The following KIAA1217 variants were observed in gnomAD, a reference collection of about 807,000 sequenced individuals.
The protein encoded by KIAA1217 is KIAA1217, also known as sickle tail protein homolog.
Under a neutral mutation model 163.9 loss-of-function variants are expected in KIAA1217, and 88 were observed. The ratio of observed to expected loss-of-function variants is 0.54; its 90% CI spans 0.45 to 0.64. The LOEUF (loss-of-function observed/expected upper bound fraction) is 0.64, where lower values mean the gene tolerates loss of function less well. KIAA1217 is among the 30% of genes least tolerant of loss of function. The pLI is 0.00. For synonymous variants in KIAA1217, 903 were observed against 923.1 expected (o/e 0.98, Z 0.39); for missense variants, 2,372 against 2,475.0 (o/e 0.96, Z 0.88).
chr10:24,429,929 G>A (rs1470962185), intron 3 of KIAA1217, among the ~76,000 whole-genome samples: 1 of 152,100 alleles, frequency 6.6e-6, no homozygotes, highest in Non-Finnish European at 1.5e-5. Flanking sequence ...GATCACTTGA[G>A]CTCAGGAGTT....
intron 1 of KIAA1217, among the ~76,000 whole-genome samples, chr10:23,878,091 GCT>G (rs1173510288): frequency 6.6e-6 from 1 of 151,862 alleles, no homozygotes; most frequent in African/African-American, 2.4e-5. Flanking sequence ...TGGCAGGGAG[GCT>G]CTAAAACAAG....
chr10:24,470,717 G>A (rs1427184849), intron 5 of KIAA1217, among the ~76,000 whole-genome samples: 2 of 152,142 alleles, frequency 1.3e-5, no homozygotes, highest in African/African-American at 4.8e-5. Context: ...GAGCCAAGAG[G>A]CCAATTCCGT....
intron 2 of KIAA1217, among the ~76,000 whole-genome samples, chr10:24,044,570 C>T (rs1017802573): frequency 1.3e-5 from 2 of 151,952 alleles, no homozygotes; most frequent in African/African-American, 4.8e-5. Flanking sequence ...CCCTTCCTTT[C>T]ACCTCTTTTC....
intron 2 of KIAA1217, among the ~76,000 whole-genome samples, chr10:24,262,565 T>C (rs778212032): frequency 6.6e-6 from 1 of 150,872 alleles, no homozygotes; most frequent in Non-Finnish European, 1.5e-5. Flanking sequence ...AGGCGGAGCT[T>C]GCAGTGAGCC....
rs1038163877 is a variant in KIAA1217, at chr10:24,022,720, T to G, written c.-171+15346T>G. On this transcript the variant is annotated intron_variant, in intron 2 of 18. Transcript: ENST00000376462. Reference sequence around the variant, plus strand: ...AATGTGGAAGGAGCCAAGATGTCCTTCAATAAATGAATGAATAAACTGTAG... The same window carrying G: ...AATGTGGAAGGAGCCAAGATGTCCTGCAATAAATGAATGAATAAACTGTAG... Among the ~76,000 whole-genome samples, 4 of 151,718 alleles carry G rather than the reference T, an allele frequency of 2.6e-5. No homozygotes were observed. The Admixed American group carries it at 2.6e-4, about 10-fold the overall frequency.
chr10:24,365,097 A>C (rs1297783983), intron 2 of KIAA1217, among the ~76,000 whole-genome samples: 2 of 151,784 alleles, frequency 1.3e-5, no homozygotes, highest in African/African-American at 4.8e-5. Context: ...GAGCCACCTC[A>C]CCCATCCTCC....
intron 1 of KIAA1217, among the ~76,000 whole-genome samples, chr10:23,778,248 A>G (rs1835094891): frequency 6.6e-6 from 1 of 152,164 alleles, no homozygotes; most frequent in Non-Finnish European, 1.5e-5. Context: ...CAAACTGCAG[A>G]TATTTTTGTG....
intron 3 of KIAA1217, 54 bp from the exon 4 acceptor site, chr10:24,432,941 T>C: frequency 1.4e-6 from 2 of 1,441,526 alleles, no homozygotes; most frequent in Non-Finnish European, 1.9e-6. Context: ...CAGCTTGTGC[T>C]GTGTGTCCCC....
chr10:24,057,914 C>T (rs1005179016), intron 2 of KIAA1217, among the ~76,000 whole-genome samples: 1 of 152,114 alleles, frequency 6.6e-6, no homozygotes, highest in African/African-American at 2.4e-5. Context: ...GATGTAGTCC[C>T]ACTTGTCTAT....
intron 1 of KIAA1217, among the ~76,000 whole-genome samples, chr10:23,795,827 T>C (rs1314365253): frequency 3.3e-5 from 5 of 152,192 alleles, no homozygotes; most frequent in Non-Finnish European, 7.3e-5. Context: ...GGGGTCCAGA[T>C]TGCTATAAAA....
intron 2 of KIAA1217, among the ~76,000 whole-genome samples, chr10:24,376,542 C>T (rs1029328964): frequency 3.3e-5 from 5 of 152,146 alleles, no homozygotes; most frequent in African/African-American, 4.8e-5. Context: ...ATGAAAGGAT[C>T]GCTTAAGCTT....
At chr10:23,706,103 C>G (rs1245576254) in intron 1 of KIAA1217, among the ~76,000 whole-genome samples, 1 of 151,828 alleles carries the variant, frequency 6.6e-6, no homozygotes. Context: ...TTATATTGGT[C>G]TTGTGCTCTG....
At chr10:24,177,111 A>C (rs2065930182) in intron 2 of KIAA1217, among the ~76,000 whole-genome samples, 1 of 151,482 alleles carries the variant, frequency 6.6e-6, no homozygotes, top group Non-Finnish European at 1.5e-5. Context: ...ACAGGGAGCC[A>C]GCTTAGGCCT....
At chr10:24,225,722 G>T (rs2070428783) in intron 2 of KIAA1217, among the ~76,000 whole-genome samples, 1 of 152,328 alleles carries the variant, frequency 6.6e-6, no homozygotes, top group African/African-American at 2.4e-5. Flanking sequence ...TTCTGAGATG[G>T]TCATAACATT....
intron 2 of KIAA1217, among the ~76,000 whole-genome samples, chr10:24,189,427 A>G (rs927817059): frequency 5.3e-5 from 8 of 152,130 alleles, no homozygotes; most frequent in Non-Finnish European, 1.0e-4. Context: ...TACAATTCCC[A>G]CAATTAATAC....
intron 2 of KIAA1217, among the ~76,000 whole-genome samples, chr10:24,093,794 TC>T (rs908040099): frequency 2.3e-5 from 2 of 85,468 alleles, no homozygotes; most frequent in African/African-American, 9.8e-5. Context: ...AAGCTATCCC[TC>T]CCCCCTCCCC....
intron 2 of KIAA1217, among the ~76,000 whole-genome samples, chr10:24,051,154 A>C (rs141335867): frequency 6.6e-6 from 1 of 152,190 alleles, no homozygotes; most frequent in South Asian, 2.1e-4. Context: ...GCTCCTGCTT[A>C]TAAGTGAGAA....
At chr10:24,222,490 GTTTGTT>G (rs1421695917) in intron 2 of KIAA1217, among the ~76,000 whole-genome samples, 2 of 152,208 alleles carry the variant, frequency 1.3e-5, no homozygotes, top group East Asian at 1.9e-4. Context: ...AATTTTGTTT[GTTTGTT>G]TTTGTTTTTG....
intron 2 of KIAA1217, among the ~76,000 whole-genome samples, chr10:24,372,554 G>C (rs907146398): frequency 1.3e-5 from 2 of 152,044 alleles, no homozygotes; most frequent in African/African-American, 4.8e-5. Flanking sequence ...CACTGCCTGG[G>C]TGACGGGATC....
Sources: gnomAD v4.1 joint callset for allele counts (sites outside exome capture counted in the v4.1 genomes callset) on GRCh38, gnomAD v4.1.1 for gene constraint, MANE v1.5 for transcripts, NCBI Gene and HGNC (gene_info 2026-07-23, HGNC 2026-07-21) for gene names.